MDGA2: variants seen among roughly 807,000 people sequenced by gnomAD.
MDGA2 encodes MAM domain containing glycosylphosphatidylinositol anchor 2.
Under a neutral mutation model 117.8 loss-of-function variants are expected in MDGA2, and 40 were observed. The observed-to-expected ratio is 0.34, with a 90% confidence interval of 0.26 to 0.44. The LOEUF is 0.44. MDGA2 is among the 20% of genes least tolerant of loss of function. The pLI is 1.00. For synonymous variants in MDGA2, 452 were observed against 439.0 expected (o/e 1.03, Z -0.37); for missense variants, 1,123 against 1,250.6 (o/e 0.90, Z 1.54).
intron 1 of MDGA2, among the ~76,000 whole-genome samples, chr14:47,469,707 A>T (rs553522787): frequency 6.6e-6 from 1 of 152,070 alleles, no homozygotes; most frequent in Non-Finnish European, 1.5e-5. Context: ...TTTTTAGTTC[A>T]AGATCCCTGA....
At chr14:47,175,679 C>T (rs1025687682) in intron 3 of MDGA2, among the ~76,000 whole-genome samples, 10 of 150,266 alleles carry the variant, frequency 6.7e-5, no homozygotes, top group African/African-American at 2.2e-4. Flanking sequence ...TATGACAAAC[C>T]CACAGCCAAT....
intron 4 of MDGA2, among the ~76,000 whole-genome samples, chr14:47,140,051 A>G (rs1882652619): frequency 2.0e-5 from 3 of 151,804 alleles, no homozygotes; most frequent in Admixed American, 6.6e-5. Flanking sequence ...CTTCTCTGAG[A>G]TGATGAGTCC....
intron 1 of MDGA2, among the ~76,000 whole-genome samples, chr14:47,551,582 C>T (rs752238308): frequency 6.6e-6 from 1 of 152,150 alleles, no homozygotes; most frequent in Non-Finnish European, 1.5e-5. Flanking sequence ...TCTTATTAAT[C>T]ACTGATAGAC....
chr14:47,609,456 T>TAGATAGATATAG (rs1555336058), intron 1 of MDGA2, among the ~76,000 whole-genome samples: 1 of 110,152 alleles, frequency 9.1e-6, no homozygotes, highest in Non-Finnish European at 1.9e-5. Context: ...TATATATATA[T>TAGATAGATATAG]ATATATATAA....
intron 10 of MDGA2, among the ~76,000 whole-genome samples, chr14:46,898,886 T>C (rs1020249044): frequency 6.6e-6 from 1 of 151,934 alleles, no homozygotes; most frequent in East Asian, 1.9e-4. Context: ...AAATATTAGC[T>C]TAGGATAAGC....
intron 1 of MDGA2, among the ~76,000 whole-genome samples, chr14:47,510,132 G>T (rs979936501): frequency 3.9e-5 from 6 of 152,118 alleles, no homozygotes; most frequent in African/African-American, 1.4e-4. Flanking sequence ...TGCAGGCAGA[G>T]CCCTCCTGAA....
chr14:47,143,030 C>T (rs1284840842), intron 4 of MDGA2, among the ~76,000 whole-genome samples: 1 of 152,100 alleles, frequency 6.6e-6, no homozygotes, highest in Non-Finnish European at 1.5e-5. Context: ...TAAATATTGG[C>T]AATTATACTA....
intron 8 of MDGA2, among the ~76,000 whole-genome samples, chr14:46,988,188 G>A (rs1033006472): frequency 1.3e-5 from 2 of 151,734 alleles, no homozygotes; most frequent in African/African-American, 2.4e-5. Flanking sequence ...TGTGTCCTCA[G>A]ATTCAAAATG....
chr14:47,307,684 TGGG>T (rs397853293), intron 1 of MDGA2, among the ~76,000 whole-genome samples: 13,102 of 150,430 alleles, frequency 0.087, 673 homozygotes, highest in Non-Finnish European at 0.11. Flanking sequence ...AGATACTCTG[TGGG>T]GGGGAAAAAA....
chr14:47,146,583 C>A (rs1882953165), intron 3 of MDGA2, among the ~76,000 whole-genome samples: 1 of 151,994 alleles, frequency 6.6e-6, no homozygotes, highest in Non-Finnish European at 1.5e-5. Context: ...TTGAATTTAG[C>A]CTTAGTGACT....
chr14:47,532,499 T>C (rs1364984943), intron 1 of MDGA2, among the ~76,000 whole-genome samples: 1 of 152,208 alleles, frequency 6.6e-6, no homozygotes, highest in Non-Finnish European at 1.5e-5. Flanking sequence ...GGGCCATACC[T>C]CTAGCCCTGC....
chr14:47,300,497 GTTGT>G (rs1233601946), intron 2 of MDGA2, among the ~76,000 whole-genome samples: 1 of 146,618 alleles, frequency 6.8e-6, no homozygotes, highest in Non-Finnish European at 1.5e-5. Context: ...TTTTTTGGCT[GTTGT>G]TTGTTTGAGA....
chr14:47,362,790 C>T (rs1386457096), intron 1 of MDGA2, among the ~76,000 whole-genome samples: 1 of 152,088 alleles, frequency 6.6e-6, no homozygotes, highest in African/African-American at 2.4e-5. Flanking sequence ...CCAGTTTTGA[C>T]AATAGGTATT....
At chr14:47,073,809 T>C (rs1437177588) in intron 6 of MDGA2, among the ~76,000 whole-genome samples, 1 of 152,190 alleles carries the variant, frequency 6.6e-6, no homozygotes, top group Non-Finnish European at 1.5e-5. Context: ...TGCCAACTTT[T>C]GGTTTTAGCT....
intron 1 of MDGA2, among the ~76,000 whole-genome samples, chr14:47,582,403 A>C (rs1001942406): frequency 5.3e-5 from 8 of 151,924 alleles, no homozygotes; most frequent in Non-Finnish European, 8.8e-5. Context: ...ATGTGGCTGA[A>C]TCTGATATTT....
chr14:46,959,500 T>C (rs932767727), intron 8 of MDGA2, among the ~76,000 whole-genome samples: 1 of 151,910 alleles, frequency 6.6e-6, no homozygotes, highest in African/African-American at 2.4e-5. Context: ...TTATGCTTTA[T>C]TTTTTAGGAT....
At chr14:47,301,754 T>C (rs1889293047) in intron 1 of MDGA2, among the ~76,000 whole-genome samples, 1 of 152,162 alleles carries the variant, frequency 6.6e-6, no homozygotes, top group South Asian at 2.1e-4. Flanking sequence ...GACCAACACA[T>C]TTCCAGGGGA....
At chr14:46,935,532 GATTATTT>G (rs1356216678) in intron 9 of MDGA2, among the ~76,000 whole-genome samples, 2 of 152,106 alleles carry the variant, frequency 1.3e-5, no homozygotes, top group African/African-American at 4.8e-5. Flanking sequence ...CCAAAACTGT[GATTATTT>G]ATTAGAACCC....
intron 1 of MDGA2, 59 bp from the exon 2 acceptor site, chr14:47,301,609 C>G: frequency 6.5e-7 from 1 of 1,526,770 alleles, no homozygotes; most frequent in Non-Finnish European, 8.9e-7. Flanking sequence ...GTGATCTTCT[C>G]ATGAACCATC....
Sources: gnomAD v4.1 joint callset for allele counts (sites outside exome capture counted in the v4.1 genomes callset) on GRCh38, gnomAD v4.1.1 for gene constraint, MANE v1.5 for transcripts, NCBI Gene and HGNC (gene_info 2026-07-23, HGNC 2026-07-21) for gene names.